ZNF618: variants seen among roughly 807,000 people sequenced by gnomAD.
ZNF618 encodes the protein neural precursor cell expressed, developmentally down-regulated 10.
ZNF618 carries 34 observed loss-of-function variants against 103.0 expected under a neutral mutation model. The ratio of observed to expected loss-of-function variants is 0.33; its 90% CI spans 0.25 to 0.44. ZNF618 has a LOEUF of 0.44. Ranked by LOEUF, ZNF618 falls within the 20% of genes least tolerant of loss-of-function variation. The pLI is 1.00. For synonymous variants in ZNF618, 551 were observed against 542.2 expected (o/e 1.02, Z -0.23); for missense variants, 1,059 against 1,295.4 (o/e 0.82, Z 2.80).
At chr9:114,021,364 G>A (rs570226307) in intron 10 of ZNF618, among the ~76,000 whole-genome samples, 43 of 152,078 alleles carry the variant, frequency 2.8e-4, no homozygotes, top group Non-Finnish European at 5.9e-4. Context: ...AGTTTATAGA[G>A]TAATTTGTTT....
At chr9:113,995,462 A>G (rs1275190232) in intron 3 of ZNF618, among the ~76,000 whole-genome samples, 1 of 152,202 alleles carries the variant, frequency 6.6e-6, no homozygotes, top group Non-Finnish European at 1.5e-5. Flanking sequence ...AATATTTCTT[A>G]TTGCTAGAAG....
intron 13 of ZNF618, among the ~76,000 whole-genome samples, chr9:114,046,149 A>G (rs1845629766): frequency 6.6e-6 from 1 of 152,124 alleles, no homozygotes; most frequent in Non-Finnish European, 1.5e-5. Context: ...TATATACACA[A>G]TCATGTCATC....
chr9:113,914,241 G>A (rs1467841165), intron 1 of ZNF618, among the ~76,000 whole-genome samples: 1 of 152,176 alleles, frequency 6.6e-6, no homozygotes, highest in Non-Finnish European at 1.5e-5. Context: ...GCAAGGTAGT[G>A]TCTAAGTCTT....
intron 9 of ZNF618, among the ~76,000 whole-genome samples, chr9:114,009,031 G>A (rs544643421): frequency 5.9e-5 from 9 of 152,344 alleles, no homozygotes; most frequent in Non-Finnish European, 1.3e-4. Flanking sequence ...GCCACAGGCA[G>A]ACTCTCTGTC....
intron 1 of ZNF618, among the ~76,000 whole-genome samples, chr9:113,907,155 A>G (rs76539149): frequency 0.05 from 7,557 of 152,252 alleles, 285 homozygotes; most frequent in African/African-American, 0.097. Context: ...GTGTGTTGTT[A>G]TTATTGGATG....
chr9:114,042,453 G>T (rs1845282462), intron 13 of ZNF618, among the ~76,000 whole-genome samples: 2 of 152,120 alleles, frequency 1.3e-5, no homozygotes, highest in Admixed American at 1.3e-4. Context: ...AGGGAGGATT[G>T]CTTGAGGCCA....
chr9:113,959,768 T>G (rs1477781691), intron 1 of ZNF618, among the ~76,000 whole-genome samples: 4 of 152,148 alleles, frequency 2.6e-5, no homozygotes, highest in Admixed American at 6.5e-5. Flanking sequence ...CCACCATGCC[T>G]GGCTAATTTT....
At position 114,051,907 on chromosome 9, in the gene ZNF618, G is replaced by A. The variant is rs946862768; in HGVS notation, c.*1740G>A. ...ACCTCTCAGTGAATGAAGTGCTGGT[G>A]GTCTCACTCCCCTGGTGACCCTTAG... On this transcript the variant is annotated 3_prime_UTR_variant, in exon 15 of 15. Transcript: ENST00000374126. 2 of 152,244 alleles carry A rather than the reference G, an allele frequency of 1.3e-5. No homozygotes were observed. Among genetic ancestry groups the A allele is most frequent in the Non-Finnish European group, 2.9e-5 (2 of 68,054 alleles). The allele number at this position is 152,244 out of a possible 1,614,324, so 9.4% of individuals were successfully genotyped here. A position where few individuals can be genotyped will look rare whatever the true frequency, so the allele number is the denominator to read the frequency against.
In ZNF618 at chr9:114,016,748, C is replaced by G; in HGVS notation, c.808C>G (p.Pro270Ala). The change falls in exon 10 of 15, where the codon CCC (proline) becomes GCC (alanine). Residue 270 changes from proline to alanine, a missense_variant. Transcript: ENST00000374126. The part of the protein sequence containing the change: ...FCGKQYKYYT[P>A]YQEHVALHAP... The stretch of plus-strand genomic sequence containing the variant: ...CGGCAAACAGTACAAGTACTACACT[C>G]CCTACCAGGAGCATGTGGCCTTACA... The G allele has an allele frequency of 6.2e-7, 1 of 1,613,694 alleles. No homozygotes were observed. The highest frequency in any genetic ancestry group is 8.5e-7 in the Non-Finnish European group (1 of 1,179,778).
intron 13 of ZNF618, 52 bp from the exon 14 acceptor site, chr9:114,047,841 C>A: frequency 6.7e-7 from 1 of 1,496,862 alleles, no homozygotes; most frequent in Non-Finnish European, 9.1e-7. Flanking sequence ...TCTCGTTCCT[C>A]AACAGGCCTC....
rs370468737 is a variant in ZNF618, at chr9:114,008,389, T to G, written c.676+10T>G. On this transcript the variant is annotated intron_variant, in intron 8 of 14. Transcript: ENST00000374126. ...CCTGAGAACCGGGCAGGTAAGTCCT[T>G]GGTGTCTGCTTGTCACCTCCCCTGT... is the stretch of plus-strand genomic sequence containing the variant. 6.2e-7 allele frequency: 1 copy of G among 1,613,850 alleles called. No individual in the cohort carries two copies. Among genetic ancestry groups the G allele is most frequent in the Non-Finnish European group, 8.5e-7 (1 of 1,179,880 alleles).
rs1841975896 is a variant in ZNF618, at chr9:114,008,662, C to G, written c.754+108C>G. Reference sequence around the variant, plus strand: ...GGTAGCAGTGGGTGGCATCACTTAACTGCAGCAATGGTGCCCAACCTGTCA... The same window carrying G: ...GGTAGCAGTGGGTGGCATCACTTAAGTGCAGCAATGGTGCCCAACCTGTCA... On this transcript the variant is annotated intron_variant, in intron 9 of 14. Transcript: ENST00000374126. The G allele has an allele frequency of 5.3e-6, 7 of 1,318,612 alleles. No homozygotes were observed. The Admixed American group carries it at 1.2e-4, about 22-fold the overall frequency. 81.7% of individuals were successfully genotyped at this position (1,318,612 alleles called of 1,614,324 possible).
intron 2 of ZNF618, among the ~76,000 whole-genome samples, chr9:113,970,674 T>C (rs1837874016): frequency 6.6e-6 from 1 of 152,020 alleles, no homozygotes; most frequent in South Asian, 2.1e-4. Flanking sequence ...TGCCCTTTCA[T>C]CTTTCAGATC....
At chr9:113,951,433 A>ATATATATACACACATATATGTGTGTG (rs1564206908) in intron 1 of ZNF618, among the ~76,000 whole-genome samples, 1 of 66,980 alleles carries the variant, frequency 1.5e-5, no homozygotes, top group Non-Finnish European at 3.0e-5. Flanking sequence ...GTGTGTGTGT[A>ATATATATACACACATATATGTGTGTG]TATATATACA....
chr9:114,055,946 TG>T lies in ZNF618; in HGVS notation c.*5783del, dbSNP rs1846459895. 1 of 152,136 alleles carries T rather than the reference TG, an allele frequency of 6.6e-6. No homozygotes were observed. The highest frequency in any genetic ancestry group is 2.4e-5 in the African/African-American group (1 of 41,320). 9.4% of individuals were successfully genotyped at this position (152,136 alleles called of 1,614,324 possible). ...ACGAGGGGTTTAGGCAGGGCCATCTTGGGGACCCTGTGTACCATGTACTGTA... is the reference window on the plus strand; with the variant it reads ...ACGAGGGGTTTAGGCAGGGCCATCTTGGGACCCTGTGTACCATGTACTGTA... On this transcript the variant is annotated 3_prime_UTR_variant, in exon 15 of 15. Transcript: ENST00000374126.
intron 11 of ZNF618, among the ~76,000 whole-genome samples, chr9:114,030,350 G>A (rs1308520468): frequency 6.6e-6 from 1 of 152,206 alleles, no homozygotes; most frequent in Non-Finnish European, 1.5e-5. Context: ...TTAGTTAGAA[G>A]CAAATTGGTC....
At chr9:113,953,557 C>G (rs1487303437) in intron 1 of ZNF618, among the ~76,000 whole-genome samples, 4 of 152,178 alleles carry the variant, frequency 2.6e-5, no homozygotes, top group African/African-American at 9.7e-5. Flanking sequence ...GAGTTTGATT[C>G]TGTTCTTGTC....
At chr9:113,896,845 A>G (rs993494349) in intron 1 of ZNF618, among the ~76,000 whole-genome samples, 1 of 152,106 alleles carries the variant, frequency 6.6e-6, no homozygotes, top group Non-Finnish European at 1.5e-5. Context: ...TTGTACCCTT[A>G]ATCTGTAAAA....
intron 1 of ZNF618, among the ~76,000 whole-genome samples, chr9:113,943,907 C>A: frequency 6.6e-6 from 1 of 152,150 alleles, no homozygotes; most frequent in East Asian, 1.9e-4. Flanking sequence ...TTCCCCTAAC[C>A]TTGCTTTGCT....
Sources: allele counts gnomAD v4.1 joint callset (sites outside exome capture counted in the v4.1 genomes callset), GRCh38; gene constraint gnomAD v4.1.1; transcripts MANE v1.5; gene names NCBI Gene and HGNC (gene_info 2026-07-23, HGNC 2026-07-21).